GLCCI1: variants seen among roughly 807,000 people sequenced by gnomAD.
GLCCI1 encodes the protein glucocorticoid induced 1.
GLCCI1 carries 24 observed loss-of-function variants against 52.2 expected under a neutral mutation model. That is an observed-to-expected ratio of 0.46 (90% CI 0.33 to 0.65). The LOEUF is 0.65. Ranked by LOEUF, GLCCI1 falls within the 30% of genes least tolerant of loss-of-function variation. The pLI, the probability that GLCCI1 is intolerant of heterozygous loss-of-function variation, is 0.02. For missense variants in GLCCI1, 704 were observed against 701.5 expected, an observed-to-expected ratio of 1.00 and a Z score of -0.04; for synonymous variants, 310 against 276.5, an observed-to-expected ratio of 1.12 and a Z score of -1.20.
At chr7:8,030,980 G>A (rs1283896013) in intron 3 of GLCCI1, among the ~76,000 whole-genome samples, 1 of 152,016 alleles carries the variant, frequency 6.6e-6, no homozygotes, top group Non-Finnish European at 1.5e-5. Context: ...CAGTTTGGAG[G>A]TTTCTTTAAA....
intron 2 of GLCCI1, among the ~76,000 whole-genome samples, chr7:8,006,017 C>T (rs1056429688): frequency 6.6e-6 from 1 of 152,106 alleles, no homozygotes; most frequent in African/African-American, 2.4e-5. Flanking sequence ...AAGCTGGTCT[C>T]GAACTCCTGA....
At chr7:7,977,096 T>C (rs1780489319) in intron 1 of GLCCI1, among the ~76,000 whole-genome samples, 1 of 152,192 alleles carries the variant, frequency 6.6e-6, no homozygotes, top group African/African-American at 2.4e-5. Flanking sequence ...CTTTTGTGAA[T>C]AGTCCGTATA....
Position 7,969,089 on chromosome 7 carries a change from GGCCGTGACCGCCACACCGAGCCCA to G in GLCCI1, c.-257_-234del, listed in dbSNP as rs1562409547. 5.2e-6 allele frequency: 1 copy of G among 192,868 alleles called. No homozygotes were observed. The highest frequency in any genetic ancestry group is 2.4e-5 in the African/African-American group (1 of 42,320). 11.9% of individuals were successfully genotyped at this position (192,868 alleles called of 1,614,324 possible). A position where few individuals can be genotyped will look rare whatever the true frequency, so the allele number is the denominator to read the frequency against. On this transcript the variant is annotated 5_prime_UTR_variant, in exon 1 of 8. The change abolishes the stop of an existing upstream ORF in the 5' untranslated region. Coordinates refer to ENST00000223145, the MANE Select transcript of GLCCI1 (RefSeq NM_138426.4). The surrounding 1 kb of genome is among the most constrained non-coding windows in gnomAD (Gnocchi z 4.9). ...GCGGCTCCGGGCTCCTTGCGGCCCC[GGCCGTGACCGCCACACCGAGCCCA>G]GCCGGGCGGTTGCGGCCGTTGGACG...
At chr7:8,068,863 C>T (rs1477005581) in intron 5 of GLCCI1, among the ~76,000 whole-genome samples, 1 of 152,170 alleles carries the variant, frequency 6.6e-6, no homozygotes, top group East Asian at 1.9e-4. Context: ...TTGTAGCTGA[C>T]TTATTGTCCT....
At chr7:7,979,611 TTAGCC>T (rs1780566802) in intron 1 of GLCCI1, among the ~76,000 whole-genome samples, 1 of 152,204 alleles carries the variant, frequency 6.6e-6, no homozygotes, top group African/African-American at 2.4e-5. Context: ...ATACTATAGT[TTAGCC>T]TAGGATGATG....
chr7:7,998,618 T>G (rs184133347), intron 1 of GLCCI1, among the ~76,000 whole-genome samples: 1 of 152,344 alleles, frequency 6.6e-6, no homozygotes, highest in Admixed American at 6.5e-5. Flanking sequence ...GTGTACTTTG[T>G]CTTTCTTACT....
intron 1 of GLCCI1, among the ~76,000 whole-genome samples, chr7:7,990,855 G>A (rs1780826605): frequency 6.6e-6 from 1 of 152,030 alleles, no homozygotes; most frequent in African/African-American, 2.4e-5. Context: ...TGTTGAGTCT[G>A]TTTATTCTGG....
At chr7:8,022,147 C>T (rs1781505896) in intron 2 of GLCCI1, among the ~76,000 whole-genome samples, 1 of 151,922 alleles carries the variant, frequency 6.6e-6, no homozygotes, top group South Asian at 2.1e-4. Flanking sequence ...GTGGAAATAC[C>T]ATTTCATATT....
rs1345588465 is a variant in GLCCI1, at chr7:7,969,730, G to A, written c.380G>A (p.Arg127His). ...PAEQAPRAKG[R>H]PRRSPESHRR... ...GAGCAGGCGCCGCGGGCCAAGGGCC[G>A]CCCGAGACGGTCCCCAGAGAGCCAC... is the stretch of plus-strand genomic sequence containing the variant. Residue 127 changes from arginine (R) to histidine (H), a missense_variant, in exon 1 of 8, where the codon CGC becomes CAC. By Grantham distance (29) the Arg-to-His change is conservative. Transcript: ENST00000223145. This position sits in a 1 kb window ranked among gnomAD's most constrained non-coding sequence, Gnocchi z 4.9. 1.4e-6 allele frequency: 2 copies of A among 1,437,524 alleles called. No homozygotes were observed. Among genetic ancestry groups the A allele is most frequent in the East Asian group, 3.2e-5 (1 of 31,130 alleles). 89.0% of individuals were successfully genotyped at this position (1,437,524 alleles called of 1,614,324 possible). A position where few individuals can be genotyped will look rare whatever the true frequency, so the allele number is the denominator to read the frequency against.
At chr7:8,044,251 C>A (rs1782070784) in intron 3 of GLCCI1, among the ~76,000 whole-genome samples, 1 of 151,992 alleles carries the variant, frequency 6.6e-6, no homozygotes, top group Non-Finnish European at 1.5e-5. Flanking sequence ...GGCCAAGGCA[C>A]TAAATATTTT....
At chr7:8,061,984 T>TA (rs1277087644) in intron 5 of GLCCI1, among the ~76,000 whole-genome samples, 2 of 152,092 alleles carry the variant, frequency 1.3e-5, no homozygotes, top group African/African-American at 4.8e-5. Flanking sequence ...GTGTTTTTTT[T>TA]ATGCATTAAG....
chr7:7,971,185 C>CA (rs1780347165), intron 1 of GLCCI1, among the ~76,000 whole-genome samples: 1 of 152,122 alleles, frequency 6.6e-6, no homozygotes, highest in Non-Finnish European at 1.5e-5. Context: ...TATGCTCCTG[C>CA]ACTCCTCCCC....
chr7:8,054,857 G>C (rs2127958835), intron 3 of GLCCI1, among the ~76,000 whole-genome samples: 1 of 151,942 alleles, frequency 6.6e-6, no homozygotes, highest in Admixed American at 6.5e-5. Context: ...CCTTTTAGGA[G>C]AATATACCCT....
intron 1 of GLCCI1, among the ~76,000 whole-genome samples, chr7:7,991,309 A>T (rs997322609): frequency 1.3e-5 from 2 of 152,202 alleles, no homozygotes; most frequent in East Asian, 3.9e-4. Flanking sequence ...TTCAGTTTAG[A>T]TATCATGAGA....
At position 7,992,705 on chromosome 7, in the gene GLCCI1, CAT is replaced by C. The variant is rs1036178381; in HGVS notation, c.458-11202_458-11201del. On this transcript the variant is annotated intron_variant, in intron 1 of 7. Coordinates refer to ENST00000223145, the MANE Select transcript of GLCCI1 (RefSeq NM_138426.4). ...TCTTGAGGGACTCCTGTTACACACA[CAT>C]GTTGGACCTTCTTTGCCTATGTTAC... is the stretch of plus-strand genomic sequence containing the variant. 7.2e-5 allele frequency among the ~76,000 whole-genome samples: 11 copies of C among 152,190 alleles called. No homozygotes were observed. In the South Asian group the frequency reaches 1.5e-3, roughly 20 times the overall value.
intron 1 of GLCCI1, among the ~76,000 whole-genome samples, chr7:7,998,666 G>T (rs1385489873): frequency 1.3e-5 from 2 of 152,084 alleles, no homozygotes; most frequent in Non-Finnish European, 2.9e-5. Context: ...AGAGTGTTTT[G>T]TATTTAGGTT....
chr7:7,981,301 T>C lies in GLCCI1; in HGVS notation c.457+11494T>C, dbSNP rs1372798776. On this transcript the variant is annotated intron_variant, in intron 1 of 7. Coordinates refer to ENST00000223145, the MANE Select transcript of GLCCI1 (RefSeq NM_138426.4). ...CTTTCTTTCTCTCTCCCTCTTTCTC[T>C]CTTTCTTTCTGTCTCTCTTTCTTTC... The C allele has an allele frequency of 2.0e-5, 5 of 245,742 alleles. 1 individual carries two copies. The Middle Eastern group carries it at 4.3e-3, about 211-fold the overall frequency. 15.2% of individuals were successfully genotyped at this position (245,742 alleles called of 1,614,324 possible).
At chr7:8,052,111 T>C (rs1782271520) in intron 3 of GLCCI1, among the ~76,000 whole-genome samples, 1 of 150,520 alleles carries the variant, frequency 6.6e-6, no homozygotes, top group Non-Finnish European at 1.5e-5. Context: ...AGCATAAGAT[T>C]TTTTTTTTTA....
intron 1 of GLCCI1, among the ~76,000 whole-genome samples, chr7:7,988,365 T>A (rs1780777932): frequency 6.6e-6 from 1 of 152,204 alleles, no homozygotes; most frequent in South Asian, 2.1e-4. Flanking sequence ...TGAAATTACA[T>A]ACCACCTTGC....
Sources: allele counts gnomAD v4.1 joint callset (sites outside exome capture counted in the v4.1 genomes callset), GRCh38; gene constraint gnomAD v4.1.1; non-coding constraint Gnocchi (gnomAD v3.1); transcripts MANE v1.5; gene names NCBI Gene and HGNC (gene_info 2026-07-23, HGNC 2026-07-21).